The following ROCK1 variants were observed in gnomAD, a reference collection of about 807,000 sequenced individuals.
ROCK1 encodes Rho associated coiled-coil containing protein kinase 1.
In ROCK1, 36 loss-of-function variants were observed where a neutral mutation model predicts 196.8. The ratio of observed to expected loss-of-function variants is 0.18; its 90% CI spans 0.14 to 0.24. ROCK1 has a LOEUF of 0.24. Ranked by LOEUF, ROCK1 falls within the 10% of genes least tolerant of loss-of-function variation. ROCK1 has a pLI of 1.00. For missense variants in ROCK1, 920 were observed against 1,562.0 expected (o/e 0.59, Z 6.93); for synonymous variants, 443 against 515.9 (o/e 0.86, Z 1.91).
chr18:21,023,788 C>T (rs1339802969), intron 10 of ROCK1, 108 bp from the exon 11 acceptor site: 1 of 492,314 alleles, frequency 2.0e-6, no homozygotes, highest in African/African-American at 2.0e-5. Flanking sequence ...GTTATAGTAA[C>T]TTTGTTTTTA....
rs200798188 is a variant in ROCK1 at position 20,960,304 on chromosome 18, ACACAAC to A, written c.3353-104_3353-99del. 3.0e-3 allele frequency: 2,238 copies of A among 754,668 alleles called. 33 individuals carry two copies. The African/African-American group carries it at 0.035, about 12-fold the overall frequency. 46.7% of individuals were successfully genotyped at this position (754,668 alleles called of 1,614,324 possible). On this transcript the variant is annotated intron_variant, in intron 27 of 32. Transcript: ENST00000399799. ...ACAGCATGCAGCAACAAGCAATTGA[ACACAAC>A]TAAATGAATAAGTGCTATAATTTGC...
At chr18:21,038,286 G>A (rs2036074639) in intron 9 of ROCK1, among the ~76,000 whole-genome samples, 1 of 152,086 alleles carries the variant, frequency 6.6e-6, no homozygotes, top group Admixed American at 6.5e-5. Flanking sequence ...TTATTTCCTA[G>A]TATATAATTG....
At chr18:21,106,972 T>C (rs2036708430) in intron 1 of ROCK1, among the ~76,000 whole-genome samples, 8 of 152,232 alleles carry the variant, frequency 5.3e-5, no homozygotes, top group Admixed American at 5.2e-4. Context: ...GACTGCAGAC[T>C]TTTTCAGATT....
At chr18:21,096,530 C>T (rs1166371940) in intron 1 of ROCK1, among the ~76,000 whole-genome samples, 1 of 152,158 alleles carries the variant, frequency 6.6e-6, no homozygotes, top group Non-Finnish European at 1.5e-5. Context: ...TGGGTTCTAT[C>T]ACTTACAACT....
At chr18:21,010,834 T>G (rs1312789060) in intron 13 of ROCK1, among the ~76,000 whole-genome samples, 1 of 152,226 alleles carries the variant, frequency 6.6e-6, no homozygotes. Flanking sequence ...TCTTATCAAC[T>G]TTTGCTTCAC....
chr18:21,041,728 C>A (rs2036108766), intron 8 of ROCK1, among the ~76,000 whole-genome samples: 1 of 152,030 alleles, frequency 6.6e-6, no homozygotes, highest in African/African-American at 2.4e-5. Flanking sequence ...AAAAAGGATG[C>A]TCCCAACTCA....
At chr18:20,969,704 G>A (rs958369611) in intron 23 of ROCK1, among the ~76,000 whole-genome samples, 6 of 151,990 alleles carry the variant, frequency 3.9e-5, no homozygotes, top group Admixed American at 3.3e-4. Flanking sequence ...ACAATCATGT[G>A]GAAGAGATAT....
intron 13 of ROCK1, among the ~76,000 whole-genome samples, chr18:21,009,655 A>G (rs1264226642): frequency 6.6e-6 from 1 of 152,152 alleles, no homozygotes; most frequent in Non-Finnish European, 1.5e-5. Context: ...TGTCTGTACC[A>G]TTTTATATCC....
chr18:21,097,304 C>CA (rs1409616641), intron 1 of ROCK1, among the ~76,000 whole-genome samples: 1 of 152,094 alleles, frequency 6.6e-6, no homozygotes, highest in Non-Finnish European at 1.5e-5. Flanking sequence ...GCAGCAGTAA[C>CA]AAAAAGTAAA....
At chr18:21,062,214 G>C (rs956208752) in intron 2 of ROCK1, among the ~76,000 whole-genome samples, 1 of 152,044 alleles carries the variant, frequency 6.6e-6, no homozygotes, top group Non-Finnish European at 1.5e-5. Flanking sequence ...CTGATTTCAG[G>C]GCTGAGGGAA....
chr18:21,025,110 C>T (rs547074225), intron 10 of ROCK1, among the ~76,000 whole-genome samples: 1 of 152,176 alleles, frequency 6.6e-6, no homozygotes, highest in Non-Finnish European at 1.5e-5. Flanking sequence ...AATGTAAGGA[C>T]ATCACTTGTA....
At chr18:20,988,823 T>A (rs184581815) in intron 18 of ROCK1, among the ~76,000 whole-genome samples, 8 of 152,338 alleles carry the variant, frequency 5.3e-5, no homozygotes, top group Admixed American at 1.3e-4. Flanking sequence ...ATTATTATTT[T>A]TTTTTGTCTA....
intron 11 of ROCK1, among the ~76,000 whole-genome samples, chr18:21,020,552 A>G (rs1484518407): frequency 6.6e-6 from 1 of 152,204 alleles, no homozygotes; most frequent in African/African-American, 2.4e-5. Flanking sequence ...TATACACAAA[A>G]TATTACAATA....
intron 22 of ROCK1, among the ~76,000 whole-genome samples, chr18:20,975,866 C>T (rs1254522929): frequency 1.3e-5 from 2 of 152,218 alleles, no homozygotes; most frequent in African/African-American, 4.8e-5. Flanking sequence ...CTGCCTCGGC[C>T]TCCCAAAGTG....
intron 32 of ROCK1, 178 bp downstream of exon 32, chr18:20,953,400 T>A (rs2035209334): frequency 2.1e-6 from 1 of 474,896 alleles, no homozygotes; most frequent in Admixed American, 4.0e-5. Flanking sequence ...GCATGTATTA[T>A]TATTATTAAA....
intron 1 of ROCK1, among the ~76,000 whole-genome samples, chr18:21,103,135 A>C (rs1335658517): frequency 6.6e-6 from 1 of 152,214 alleles, no homozygotes; most frequent in Non-Finnish European, 1.5e-5. Context: ...AGTATACTAG[A>C]GAAGAAAATC....
chr18:20,984,578 AATTT>A (rs1338527678), intron 19 of ROCK1, 43 bp from the exon 20 acceptor site: 9 of 1,440,428 alleles, frequency 6.2e-6, no homozygotes, highest in Non-Finnish European at 8.5e-6. Context: ...TCTCTTAAAT[AATTT>A]ATTAGACATT....
chr18:21,018,241 T>A (rs1341312485), intron 12 of ROCK1, among the ~76,000 whole-genome samples: 3 of 151,556 alleles, frequency 2.0e-5, no homozygotes, highest in Non-Finnish European at 4.4e-5. Flanking sequence ...GTTTAAAAAT[T>A]TTTTTGGGCC....
intron 24 of ROCK1, 90 bp downstream of exon 24, chr18:20,969,025 A>T: frequency 1.1e-6 from 1 of 942,894 alleles, no homozygotes; most frequent in Non-Finnish European, 1.6e-6. Flanking sequence ...AATATATGAA[A>T]ACAGGTATCT....
Sources: allele counts gnomAD v4.1 joint callset (sites outside exome capture counted in the v4.1 genomes callset), GRCh38; gene constraint gnomAD v4.1.1; transcripts MANE v1.5; gene names NCBI Gene and HGNC (gene_info 2026-07-23, HGNC 2026-07-21).